The following UGT1A10 variants were observed in gnomAD, a reference collection of about 807,000 sequenced individuals.
UGT1A10 encodes the protein UDP-glucuronosyltransferase 1A10.
Under a neutral mutation model 45.8 loss-of-function variants are expected in UGT1A10, and 49 were observed. The ratio of observed to expected loss-of-function variants is 1.07; its 90% CI spans 0.85 to 1.36. The LOEUF is 1.36. Ranked by LOEUF, UGT1A10 falls within the 40% of genes most tolerant of loss-of-function variation. The pLI is 0.00. For missense variants in UGT1A10, 745 were observed against 668.6 expected (o/e 1.11, Z -1.26); for synonymous variants, 284 against 249.7 (o/e 1.14, Z -1.29).
At chr2:233,672,045 C>G (rs1369123983) in intron 1 of UGT1A10, 1 of 1,614,022 alleles carries the variant, frequency 6.2e-7, no homozygotes, top group African/African-American at 1.3e-5. Context: ...ATGGGAGCCA[C>G]TGGTTCACCA....
chr2:233,657,514 A>C (rs2073882141), intron 1 of UGT1A10, among the ~76,000 whole-genome samples: 1 of 152,222 alleles, frequency 6.6e-6, no homozygotes, highest in African/African-American at 2.4e-5. Flanking sequence ...GCAATAGGAC[A>C]GGAACTCACC....
At chr2:233,674,415 TGTA>T (rs753049248) in intron 1 of UGT1A10, among the ~76,000 whole-genome samples, 3 of 152,116 alleles carry the variant, frequency 2.0e-5, no homozygotes, top group Non-Finnish European at 4.4e-5. Context: ...CTCCATTAAT[TGTA>T]GTAACAGGCA....
At position 233,772,792 on chromosome 2, in the gene UGT1A10, A is replaced by C; in HGVS notation, c.*233A>C. 2.5e-6 allele frequency: 3 copies of C among 1,219,898 alleles called. No individual in the cohort carries two copies. Among genetic ancestry groups the C allele is most frequent in the Non-Finnish European group, 3.3e-6 (3 of 917,948 alleles). The allele number at this position is 1,219,898 out of a possible 1,614,324, so 75.6% of individuals were successfully genotyped here. On this transcript the variant is annotated 3_prime_UTR_variant, in exon 5 of 5. Transcript: ENST00000344644. ...CTCTGGTGTCTTTGATCAGGATGAC[A>C]TGTGCCATTTTTCAGAGGACGTGCA...
intron 4 of UGT1A10, 145 bp downstream of exon 4, chr2:233,768,584 T>TC: frequency 1.2e-5 from 1 of 86,896 alleles, no homozygotes; most frequent in Non-Finnish European, 1.4e-5. Flanking sequence ...TATTTCTTCT[T>TC]TTTTTTTTTT....
chr2:233,667,012 G>A (rs1216378029), intron 1 of UGT1A10, among the ~76,000 whole-genome samples: 2 of 152,152 alleles, frequency 1.3e-5, no homozygotes, highest in South Asian at 2.1e-4. Flanking sequence ...GTATTCCATG[G>A]TGTGTATGTG....
At chr2:233,760,686 C>T in intron 1 of UGT1A10, 1 of 1,614,220 alleles carries the variant, frequency 6.2e-7, no homozygotes, top group African/African-American at 1.3e-5. Flanking sequence ...TACTGCACAA[C>T]AAGGAGCTCA....
chr2:233,669,643 C>T (rs181894032), intron 1 of UGT1A10, among the ~76,000 whole-genome samples: 6 of 152,226 alleles, frequency 3.9e-5, no homozygotes, highest in Admixed American at 1.3e-4. Flanking sequence ...TACCAACCCC[C>T]GAGCAGTAAA....
At chr2:233,697,544 C>A (rs2075397492) in intron 1 of UGT1A10, among the ~76,000 whole-genome samples, 1 of 149,170 alleles carries the variant, frequency 6.7e-6, no homozygotes, top group African/African-American at 2.5e-5. Flanking sequence ...TTGGTCTTTG[C>A]ATTGTTTATT....
chr2:233,747,367 A>T (rs752238909), intron 1 of UGT1A10: 40 of 1,604,286 alleles, frequency 2.5e-5, no homozygotes, highest in Non-Finnish European at 3.4e-5. Context: ...CGGGAGCTCC[A>T]TGCCAGAGGC....
Position 233,636,624 on chromosome 2 carries a change from T to C in UGT1A10, c.102T>C (p.Asp34=), listed in dbSNP as rs1270540190. Residue 34 remains aspartate, a synonymous_variant, in exon 1 of 5, where the codon GAT becomes GAC. Coordinates refer to ENST00000344644, the MANE Select transcript of UGT1A10 (RefSeq NM_019075.4). ...GGAAGCTGCTGGTAGTGCCCATGGA[T>C]GGGAGTCACTGGTTCACCATGCAGT... The part of the protein sequence containing the change: ...EAGKLLVVPM[D]GSHWFTMQSV... 2.4e-5 allele frequency: 38 copies of C among 1,614,110 alleles called. No homozygotes were observed. Among genetic ancestry groups the C allele is most frequent in the Non-Finnish European group, 3.1e-5 (37 of 1,180,016 alleles).
At chr2:233,739,348 G>A (rs1455435875) in intron 1 of UGT1A10, among the ~76,000 whole-genome samples, 7 of 152,152 alleles carry the variant, frequency 4.6e-5, no homozygotes, top group Admixed American at 4.6e-4. Context: ...GAACCCAGAA[G>A]GGCAGATCCA....
chr2:233,658,748 T>C (rs918186282), intron 1 of UGT1A10, among the ~76,000 whole-genome samples: 3 of 152,238 alleles, frequency 2.0e-5, no homozygotes, highest in Non-Finnish European at 4.4e-5. Flanking sequence ...CTCCACTGAA[T>C]TGTCTTTGCA....
chr2:233,771,891 A>G (rs1700404574), intron 4 of UGT1A10, among the ~76,000 whole-genome samples: 1 of 145,462 alleles, frequency 6.9e-6, no homozygotes, highest in Admixed American at 7.2e-5. Context: ...TTTCTTAATT[A>G]TAACCTTTCA....
rs2074538998 is a variant in UGT1A10, at chr2:233,681,773, A to C, written c.855+44396A>C. The C allele has an allele frequency of 8.5e-6, 8 of 938,028 alleles. No individual in the cohort carries two copies. In the South Asian group the frequency reaches 3.9e-4, roughly 46 times the overall value. 58.1% of individuals were successfully genotyped at this position (938,028 alleles called of 1,614,324 possible). On this transcript the variant is annotated intron_variant, in intron 1 of 4. Coordinates refer to ENST00000344644, the MANE Select transcript of UGT1A10 (RefSeq NM_019075.4). Reference sequence around the variant, plus strand: ...GCAGGTATCTCAGCAAAGGCTACTCATGTATTATTATGAGTAAATCATTGG... The same window carrying C: ...GCAGGTATCTCAGCAAAGGCTACTCCTGTATTATTATGAGTAAATCATTGG...
intron 1 of UGT1A10, among the ~76,000 whole-genome samples, chr2:233,716,930 GCTC>G (rs2125650647): frequency 6.6e-6 from 1 of 152,262 alleles, no homozygotes; most frequent in South Asian, 2.1e-4. Flanking sequence ...GCCTTGGGCA[GCTC>G]CTCCTATTTC....
chr2:233,719,190 C>A (rs772886660), intron 1 of UGT1A10: 19 of 1,614,048 alleles, frequency 1.2e-5, no homozygotes, highest in Admixed American at 1.0e-4. Flanking sequence ...ATCTTTGGCC[C>A]TTCATAGGTG....
chr2:233,766,442 C>CT (rs982093013), intron 1 of UGT1A10, among the ~76,000 whole-genome samples: 2 of 152,206 alleles, frequency 1.3e-5, no homozygotes, highest in African/African-American at 4.8e-5. Flanking sequence ...ACCTGTGTGT[C>CT]TGCCTGCTAG....
intron 1 of UGT1A10, chr2:233,730,090 C>G: frequency 6.3e-7 from 1 of 1,596,074 alleles, no homozygotes; most frequent in Admixed American, 1.7e-5. Flanking sequence ...ACTTATCTTT[C>G]CAAATATTTC....
At chr2:233,699,334 C>T (rs775076537) in intron 1 of UGT1A10, among the ~76,000 whole-genome samples, 1 of 152,186 alleles carries the variant, frequency 6.6e-6, no homozygotes, top group Non-Finnish European at 1.5e-5. Flanking sequence ...GAGTTTCATC[C>T]ACCCTAGGGC....
Sources: allele counts gnomAD v4.1 joint callset (sites outside exome capture counted in the v4.1 genomes callset), GRCh38; gene constraint gnomAD v4.1.1; transcripts MANE v1.5; gene names NCBI Gene and HGNC (gene_info 2026-07-23, HGNC 2026-07-21).